Variants in NELL1 observed in about 807,000 individuals in gnomAD.
NELL1 encodes protein kinase C-binding protein NELL1.
NELL1 carries 76 observed loss-of-function variants against 107.4 expected under a neutral mutation model. That is an observed-to-expected ratio of 0.71 (90% confidence interval 0.59 to 0.86). The LOEUF is 0.86. Among genes scored for constraint, NELL1 ranks in the 40% least tolerant of loss-of-function variants. NELL1 has a pLI of 0.00. For missense variants in NELL1, 1,024 were observed against 1,005.5 expected (o/e 1.02, Z -0.25); for synonymous variants, 353 against 341.2 (o/e 1.03, Z -0.38).
chr11:21,406,262 AG>A (rs2133804292), intron 15 of NELL1, among the ~76,000 whole-genome samples: 1 of 152,064 alleles, frequency 6.6e-6, no homozygotes, highest in East Asian at 2.0e-4. Flanking sequence ...TATAGAATTT[AG>A]GGGGCAGTCA....
chr11:21,308,652 A>G (rs943677423), intron 14 of NELL1, among the ~76,000 whole-genome samples: 1 of 151,968 alleles, frequency 6.6e-6, no homozygotes, highest in Non-Finnish European at 1.5e-5. Context: ...CCAAAATTCT[A>G]CTTTCATCTT....
intron 12 of NELL1, among the ~76,000 whole-genome samples, chr11:21,088,448 C>T (rs755384810): frequency 2.0e-5 from 3 of 152,104 alleles, no homozygotes; most frequent in Non-Finnish European, 4.4e-5. Context: ...AGTCCAGACT[C>T]AAACCTGCCT....
chr11:20,881,533 G>C (rs1849407343), intron 4 of NELL1, among the ~76,000 whole-genome samples: 1 of 152,184 alleles, frequency 6.6e-6, no homozygotes, highest in Non-Finnish European at 1.5e-5. Flanking sequence ...GTGTTGTTAT[G>C]AGGATTTAGT....
intron 15 of NELL1, among the ~76,000 whole-genome samples, chr11:21,524,330 CACGTAGTA>C (rs1311646008): frequency 6.6e-6 from 1 of 152,072 alleles, no homozygotes; most frequent in Non-Finnish European, 1.5e-5. Flanking sequence ...GAGAACCTGA[CACGTAGTA>C]AATTATTAAT....
At position 20,783,668 on chromosome 11, in the gene NELL1, C is replaced by T. The variant is rs768213201; in HGVS notation, c.185-12C>T. 6.2e-7 allele frequency: 1 copy of T among 1,607,756 alleles called. No homozygotes were observed. Among genetic ancestry groups the T allele is most frequent in the African/African-American group, 1.3e-5 (1 of 74,834 alleles). Reference sequence around the variant, plus strand: ...TCTCCTGTTTCCTCCTGCTTTTCTTCTTGATTCCTAGACATAGAAAGAGAG... The same window carrying T: ...TCTCCTGTTTCCTCCTGCTTTTCTTTTTGATTCCTAGACATAGAAAGAGAG... On this transcript the variant is annotated splice_polypyrimidine_tract_variant and intron_variant, in intron 2 of 19. Transcript: ENST00000357134.
intron 15 of NELL1, among the ~76,000 whole-genome samples, chr11:21,396,923 T>C (rs1236605371): frequency 2.0e-5 from 3 of 151,654 alleles, no homozygotes; most frequent in South Asian, 2.1e-4. Flanking sequence ...TAGGTGGGAT[T>C]GTACTTATTT....
chr11:20,931,317 G>A (rs1850613397), intron 9 of NELL1, among the ~76,000 whole-genome samples: 1 of 152,192 alleles, frequency 6.6e-6, no homozygotes, highest in Non-Finnish European at 1.5e-5. Flanking sequence ...TGTGGGTTAA[G>A]CAGTGGGGTG....
intron 11 of NELL1, among the ~76,000 whole-genome samples, chr11:20,959,399 A>G (rs1174917789): frequency 6.6e-6 from 1 of 152,202 alleles, no homozygotes; most frequent in Non-Finnish European, 1.5e-5. Flanking sequence ...CACAATTCAC[A>G]ATTGCAAAGA....
intron 5 of NELL1, among the ~76,000 whole-genome samples, chr11:20,914,486 A>G (rs758568271): frequency 4.6e-5 from 7 of 152,146 alleles, no homozygotes; most frequent in African/African-American, 1.2e-4. Flanking sequence ...AGCTTTTATC[A>G]TGCAGATGAA....
At chr11:21,229,022 A>G (rs1000576990) in intron 13 of NELL1, among the ~76,000 whole-genome samples, 3 of 152,012 alleles carry the variant, frequency 2.0e-5, no homozygotes, top group African/African-American at 7.2e-5. Context: ...AAGAACCATT[A>G]CCTTGGAATC....
At chr11:21,208,046 G>C (rs895411269) in intron 13 of NELL1, among the ~76,000 whole-genome samples, 1 of 151,988 alleles carries the variant, frequency 6.6e-6, no homozygotes, top group Non-Finnish European at 1.5e-5. Context: ...TTTGTGGCAA[G>C]AAGAGCTAAA....
chr11:21,502,020 G>A (rs1371159278), intron 15 of NELL1, among the ~76,000 whole-genome samples: 2 of 152,140 alleles, frequency 1.3e-5, no homozygotes, highest in Non-Finnish European at 2.9e-5. Flanking sequence ...TTGCTCATAT[G>A]TATTGTCAGG....
rs566951088 is a variant in NELL1, at chr11:20,937,967, G to A, written c.1071+108G>A. 8 of 1,024,032 alleles carry A rather than the reference G, an allele frequency of 7.8e-6. 1 individual carries two copies. The South Asian group carries it at 8.1e-5, about 10-fold the overall frequency. 63.4% of individuals were successfully genotyped at this position (1,024,032 alleles called of 1,614,324 possible). Reference sequence around the variant, plus strand: ...GGCATATTGGCCTGGATAGGGCCCCGAGGGGTGGAACTCTCTGCGGTGGGT... The same window carrying A: ...GGCATATTGGCCTGGATAGGGCCCCAAGGGGTGGAACTCTCTGCGGTGGGT... On this transcript the variant is annotated intron_variant, in intron 10 of 19. Coordinates refer to ENST00000357134, the MANE Select transcript of NELL1 (RefSeq NM_006157.5).
intron 12 of NELL1, among the ~76,000 whole-genome samples, chr11:21,081,661 A>T (rs1237148546): frequency 2.0e-5 from 3 of 152,130 alleles, no homozygotes; most frequent in Non-Finnish European, 4.4e-5. Context: ...TCTCTGGAAA[A>T]TGTGTCTCAA....
intron 15 of NELL1, chr11:21,383,739 ATTAG>A (rs1851668168): frequency 6.6e-6 from 1 of 150,450 alleles, no homozygotes; most frequent in East Asian, 1.9e-4. Flanking sequence ...GAATAGAAAA[ATTAG>A]TTATTGAGTG....
chr11:21,273,745 A>G (rs1848792490), intron 14 of NELL1, among the ~76,000 whole-genome samples: 1 of 152,236 alleles, frequency 6.6e-6, no homozygotes, highest in Non-Finnish European at 1.5e-5. Context: ...TGGGGCCAAT[A>G]TTCAACATTC....
chr11:20,946,903 G>A (rs755660541), intron 10 of NELL1, among the ~76,000 whole-genome samples: 1 of 152,154 alleles, frequency 6.6e-6, no homozygotes, highest in Non-Finnish European at 1.5e-5. Context: ...GCATGCCAGA[G>A]CTCACATAAG....
At chr11:20,999,479 A>C (rs928894147) in intron 12 of NELL1, among the ~76,000 whole-genome samples, 1 of 152,206 alleles carries the variant, frequency 6.6e-6, no homozygotes, top group African/African-American at 2.4e-5. Context: ...ATTGGGCAGA[A>C]AGAGTCCTAC....
chr11:20,731,637 A>G (rs1855646831), intron 2 of NELL1, among the ~76,000 whole-genome samples: 1 of 152,182 alleles, frequency 6.6e-6, no homozygotes, highest in African/African-American at 2.4e-5. Context: ...CGTGGGTTTG[A>G]ATTCCAGACT....
Sources: gnomAD v4.1 joint callset for allele counts (sites outside exome capture counted in the v4.1 genomes callset) on GRCh38, gnomAD v4.1.1 for gene constraint, MANE v1.5 for transcripts, NCBI Gene and HGNC (gene_info 2026-07-23, HGNC 2026-07-21) for gene names.